The following NXPH1 variants were observed in gnomAD, a reference collection of about 807,000 sequenced individuals.
NXPH1 encodes neurexophilin 1.
NXPH1 carries 5 observed loss-of-function variants against 23.7 expected under a neutral mutation model. That is an observed-to-expected ratio of 0.21 (90% confidence interval 0.11 to 0.44). NXPH1 has a LOEUF of 0.44. Among genes scored for constraint, NXPH1 ranks in the 20% least tolerant of loss-of-function variants. The pLI, the probability that NXPH1 is intolerant of heterozygous loss-of-function variation, is 0.99. For synonymous variants in NXPH1, 144 were observed against 122.2 expected, an observed-to-expected ratio of 1.18 and a Z score of -1.18; for missense variants, 324 against 321.6, an observed-to-expected ratio of 1.01 and a Z score of -0.06.
At chr7:8,648,951 C>G (rs1457244111) in intron 2 of NXPH1, among the ~76,000 whole-genome samples, 4 of 151,316 alleles carry the variant, frequency 2.6e-5, no homozygotes, top group Non-Finnish European at 5.9e-5. Flanking sequence ...AGTGAGATGA[C>G]TCTTTTTCCA....
intron 2 of NXPH1, among the ~76,000 whole-genome samples, chr7:8,648,377 T>C (rs1319685684): frequency 6.6e-6 from 1 of 152,214 alleles, no homozygotes; most frequent in African/African-American, 2.4e-5. Flanking sequence ...TCAATTGTTT[T>C]GATTTTTAGA....
intron 2 of NXPH1, among the ~76,000 whole-genome samples, chr7:8,604,852 G>C (rs1007062996): frequency 1.3e-5 from 2 of 152,110 alleles, no homozygotes; most frequent in African/African-American, 4.8e-5. Flanking sequence ...TTAGAAGTCT[G>C]TAGCCTCAAA....
chr7:8,731,325 C>A (rs767821802), intron 2 of NXPH1, among the ~76,000 whole-genome samples: 2 of 152,166 alleles, frequency 1.3e-5, no homozygotes, highest in Non-Finnish European at 2.9e-5. Flanking sequence ...TCGTCTGAAG[C>A]CTTCTTCTCT....
At chr7:8,550,850 C>T (rs1413827924) in intron 2 of NXPH1, among the ~76,000 whole-genome samples, 1 of 151,348 alleles carries the variant, frequency 6.6e-6, no homozygotes, top group Non-Finnish European at 1.5e-5. Context: ...GGATAATAAC[C>T]AACTGCACAT....
At chr7:8,572,186 A>G (rs1374792118) in intron 2 of NXPH1, among the ~76,000 whole-genome samples, 1 of 152,036 alleles carries the variant, frequency 6.6e-6, no homozygotes, top group East Asian at 1.9e-4. Context: ...AAAATTAAGT[A>G]GATGTCATAT....
chr7:8,543,500 A>C (rs1818150353), intron 2 of NXPH1, among the ~76,000 whole-genome samples: 1 of 151,632 alleles, frequency 6.6e-6, no homozygotes, highest in African/African-American at 2.4e-5. Flanking sequence ...TGATTGTAAC[A>C]ATGCAGATTT....
chr7:8,738,205 A>G (rs1461116342), intron 2 of NXPH1, among the ~76,000 whole-genome samples: 1 of 151,986 alleles, frequency 6.6e-6, no homozygotes, highest in Non-Finnish European at 1.5e-5. Context: ...CATTTGGAGG[A>G]GAAGAGGCAT....
At chr7:8,573,145 T>C (rs1389292250) in intron 2 of NXPH1, among the ~76,000 whole-genome samples, 1 of 151,998 alleles carries the variant, frequency 6.6e-6, no homozygotes, top group Non-Finnish European at 1.5e-5. Context: ...TCTGTCCTGC[T>C]ATTTCACTTA....
At chr7:8,572,006 T>C (rs1272470878) in intron 2 of NXPH1, among the ~76,000 whole-genome samples, 5 of 151,990 alleles carry the variant, frequency 3.3e-5, no homozygotes, top group African/African-American at 1.2e-4. Context: ...AGCCAGATTG[T>C]GGAATCTCTA....
At chr7:8,663,930 A>G (rs1820720331) in intron 2 of NXPH1, among the ~76,000 whole-genome samples, 1 of 152,218 alleles carries the variant, frequency 6.6e-6, no homozygotes, top group South Asian at 2.1e-4. Flanking sequence ...TTAGAACGCC[A>G]TGTATGATGC....
At chr7:8,506,112 C>A (rs1237143372) in intron 2 of NXPH1, among the ~76,000 whole-genome samples, 1 of 152,058 alleles carries the variant, frequency 6.6e-6, no homozygotes, top group Non-Finnish European at 1.5e-5. Flanking sequence ...TTTTTAAAAA[C>A]AATTTTATTG....
intron 2 of NXPH1, among the ~76,000 whole-genome samples, chr7:8,641,684 C>T (rs1820315761): frequency 6.6e-6 from 1 of 152,050 alleles, no homozygotes; most frequent in Non-Finnish European, 1.5e-5. Flanking sequence ...TGAGAATTTC[C>T]ACCACTCCTC....
At chr7:8,728,349 G>T (rs1195319108) in intron 2 of NXPH1, among the ~76,000 whole-genome samples, 4 of 151,786 alleles carry the variant, frequency 2.6e-5, no homozygotes, top group African/African-American at 4.8e-5. Context: ...CTGCCTAATT[G>T]CCCTGGCCAG....
At chr7:8,493,662 C>G (rs1385253608) in intron 2 of NXPH1, among the ~76,000 whole-genome samples, 20 of 152,054 alleles carry the variant, frequency 1.3e-4, no homozygotes, top group Admixed American at 1.2e-3. Flanking sequence ...CTACTTTTAG[C>G]TCACTGAAGT....
At chr7:8,700,308 A>G (rs1252859244) in intron 2 of NXPH1, among the ~76,000 whole-genome samples, 3 of 152,142 alleles carry the variant, frequency 2.0e-5, no homozygotes, top group Non-Finnish European at 4.4e-5. Context: ...TTGACAGGTA[A>G]CAGATGAAAT....
chr7:8,537,545 G>A (rs1157866513), intron 2 of NXPH1, among the ~76,000 whole-genome samples: 1 of 151,858 alleles, frequency 6.6e-6, no homozygotes, highest in Non-Finnish European at 1.5e-5. Context: ...ACAGCATGGA[G>A]GTAACCACCC....
At chr7:8,538,750 T>C (rs1295934213) in intron 2 of NXPH1, among the ~76,000 whole-genome samples, 1 of 151,924 alleles carries the variant, frequency 6.6e-6, no homozygotes, top group Non-Finnish European at 1.5e-5. Context: ...CAGAAAAATA[T>C]ATCAATTCAA....
At chr7:8,576,021 G>C (rs1818747776) in intron 2 of NXPH1, among the ~76,000 whole-genome samples, 1 of 152,140 alleles carries the variant, frequency 6.6e-6, no homozygotes, top group Admixed American at 6.5e-5. Context: ...CATCTCAATA[G>C]GGGATGGGTA....
chr7:8,480,263 T>G (rs1817050763), intron 2 of NXPH1, among the ~76,000 whole-genome samples: 1 of 152,192 alleles, frequency 6.6e-6, no homozygotes, highest in Non-Finnish European at 1.5e-5. Context: ...ATTAAAAATT[T>G]GAAAACAAAA....
Sources: gnomAD v4.1 joint callset for allele counts (sites outside exome capture counted in the v4.1 genomes callset) on GRCh38, gnomAD v4.1.1 for gene constraint, MANE v1.5 for transcripts, NCBI Gene and HGNC (gene_info 2026-07-23, HGNC 2026-07-21) for gene names.